The following DMD variants were observed in gnomAD, a reference collection of about 807,000 sequenced individuals.
DMD encodes the protein mutant dystrophin.
Under a neutral mutation model 330.1 loss-of-function variants are expected in DMD, and 63 were observed. The observed-to-expected ratio is 0.19, with a 90% CI of 0.16 to 0.24. DMD has a LOEUF of 0.24. DMD is among the 10% of genes least tolerant of loss of function. DMD has a pLI of 1.00. For missense variants in DMD, 3,344 were observed against 2,684.1 expected, an observed-to-expected ratio of 1.25 and a Z score of -5.43; for synonymous variants, 1,223 against 959.8, an observed-to-expected ratio of 1.27 and a Z score of -5.07.
intron 44 of DMD, among the ~76,000 whole-genome samples, chrX:31,990,279 C>G (rs1022277211): frequency 2.7e-5 from 3 of 111,515 alleles, no homozygotes; most frequent in Non-Finnish European, 5.7e-5. Context: ...TTAAAAGGTT[C>G]TTTTCCTAGA....
At chrX:31,600,510 G>GTTTTTTTT (rs1177947507) in intron 55 of DMD, among the ~76,000 whole-genome samples, 4 of 50,470 alleles carry the variant, frequency 7.9e-5, no homozygotes, top group Admixed American at 2.6e-4. Context: ...GCCAACTATG[G>GTTTTTTTT]TTTTTTTTTT....
intron 2 of DMD, among the ~76,000 whole-genome samples, chrX:32,975,696 G>A (rs1399338924): frequency 9.1e-6 from 1 of 110,331 alleles, no homozygotes; most frequent in African/African-American, 3.3e-5. Flanking sequence ...TCATCTTTCT[G>A]CTCTGAAATG....
intron 7 of DMD, among the ~76,000 whole-genome samples, chrX:32,782,337 A>G (rs1421225241): frequency 1.8e-5 from 2 of 112,019 alleles, no homozygotes; most frequent in Non-Finnish European, 3.8e-5. Context: ...GTATGCAGTA[A>G]CAGAGACACA....
At chrX:31,172,679 C>T (rs970249810) in intron 72 of DMD, among the ~76,000 whole-genome samples, 1 of 111,796 alleles carries the variant, frequency 8.9e-6, no homozygotes, top group African/African-American at 3.2e-5. Flanking sequence ...CTTGCTTTCA[C>T]TGAGAACAGG....
At chrX:33,006,646 C>T (rs964783751) in intron 2 of DMD, among the ~76,000 whole-genome samples, 2 of 111,628 alleles carry the variant, frequency 1.8e-5, no homozygotes, top group Non-Finnish European at 3.8e-5. Flanking sequence ...TGGTTGTACA[C>T]ACTCATACAA....
intron 6 of DMD, among the ~76,000 whole-genome samples, chrX:32,812,685 C>T (rs1246540993): frequency 1.8e-5 from 2 of 112,222 alleles, no homozygotes; most frequent in African/African-American, 3.2e-5. Flanking sequence ...TTAATTGCTT[C>T]TACTCTAGTT....
chrX:33,081,900 AG>A (rs200939066), intron 1 of DMD, among the ~76,000 whole-genome samples: 1,451 of 111,094 alleles, frequency 0.013, 29 homozygotes, highest in African/African-American at 0.045. Context: ...AACAGAGCAG[AG>A]TCTTTGATTT....
rs2083925559 is a variant in DMD at position 31,703,028 on chromosome X, G to GT, written c.7661-23443dup. On this transcript the variant is annotated intron_variant, in intron 52 of 78. Transcript: ENST00000357033. ...CACCACCATGCCCAGCTATTTTTTT[G>GT]TATTTTTAGTAGAGATGGGGTTTCA... 2.7e-5 allele frequency among the ~76,000 whole-genome samples: 3 copies of GT among 109,450 alleles called. No individual in the cohort carries two copies. The South Asian group carries it at 1.2e-3, about 44-fold the overall frequency.
At chrX:31,944,220 C>T (rs1741476418) in intron 45 of DMD, among the ~76,000 whole-genome samples, 1 of 101,921 alleles carries the variant, frequency 9.8e-6, no homozygotes, top group Non-Finnish European at 1.9e-5. Flanking sequence ...ACTTTTTCCT[C>T]TCTCATTCTA....
Position 33,091,075 on chromosome X carries a change from C to T in DMD, c.32-70875G>A, listed in dbSNP as rs377009945. Among the ~76,000 whole-genome samples the T allele has an allele frequency of 1.2e-4, 13 of 111,099 alleles. No homozygotes were observed. In the East Asian group the frequency reaches 3.4e-3, roughly 29 times the overall value. Reference sequence around the variant, plus strand: ...AAGAAAACATAACTTTTTCCCAACTCTCAGTCCAGGACTGAGAAATCTCAA... The same window carrying T: ...AAGAAAACATAACTTTTTCCCAACTTTCAGTCCAGGACTGAGAAATCTCAA... On this transcript the variant is annotated intron_variant, in intron 1 of 78. Coordinates refer to ENST00000357033, the MANE Select transcript of DMD (RefSeq NM_004006.3).
chrX:31,749,268 T>A (rs1377633837), intron 51 of DMD, among the ~76,000 whole-genome samples: 2 of 102,252 alleles, frequency 2.0e-5, no homozygotes, highest in African/African-American at 7.2e-5. Flanking sequence ...GCATTAGGTA[T>A]ATCTCCCAAT....
chrX:32,487,924 A>G (rs1274413325), intron 20 of DMD, among the ~76,000 whole-genome samples: 2 of 111,939 alleles, frequency 1.8e-5, no homozygotes, highest in African/African-American at 6.5e-5. Flanking sequence ...AGAAATATAT[A>G]CAAATAATTT....
At chrX:31,519,043 A>C (rs755567832) in intron 55 of DMD, among the ~76,000 whole-genome samples, 4 of 111,686 alleles carry the variant, frequency 3.6e-5, no homozygotes, top group Non-Finnish European at 7.5e-5. Context: ...CAACTGAATA[A>C]TTTTCCAATT....
chrX:32,096,974 A>G (rs1330242877), intron 44 of DMD, among the ~76,000 whole-genome samples: 1 of 112,102 alleles, frequency 8.9e-6, no homozygotes, highest in African/African-American at 3.2e-5. Flanking sequence ...AATGGCTTCA[A>G]TAGCAAAGAA....
chrX:31,220,277 T>C (rs2045868510), intron 64 of DMD, among the ~76,000 whole-genome samples: 1 of 111,614 alleles, frequency 9.0e-6, no homozygotes, highest in African/African-American at 3.3e-5. Context: ...CTCCCCTTCA[T>C]AAGTAAATTT....
chrX:32,950,835 CA>C (rs1158942170), intron 2 of DMD, among the ~76,000 whole-genome samples: 1 of 111,794 alleles, frequency 8.9e-6, no homozygotes, highest in African/African-American at 3.3e-5. Context: ...CTTATTCATT[CA>C]TTCAGTAATC....
At chrX:31,276,092 T>C (rs2052089550) in intron 62 of DMD, among the ~76,000 whole-genome samples, 1 of 112,367 alleles carries the variant, frequency 8.9e-6, no homozygotes, top group Non-Finnish European at 1.9e-5. Context: ...AGTCTCACTC[T>C]GTCACCCAGG....
At chrX:32,252,687 T>TATATATATAA (rs1182695139) in intron 43 of DMD, among the ~76,000 whole-genome samples, 3 of 35,520 alleles carry the variant, frequency 8.4e-5, no homozygotes, top group Non-Finnish European at 1.4e-4. Flanking sequence ...AATATATAAA[T>TATATATATAA]ATATATATAA....
intron 47 of DMD, among the ~76,000 whole-genome samples, chrX:31,876,554 T>C (rs968528041): frequency 9.0e-6 from 1 of 110,534 alleles, no homozygotes; most frequent in Non-Finnish European, 1.9e-5. Context: ...TACATGTAAA[T>C]AAAGAGCCAG....
Sources: gnomAD v4.1 joint callset for allele counts (sites outside exome capture counted in the v4.1 genomes callset) on GRCh38, gnomAD v4.1.1 for gene constraint, MANE v1.5 for transcripts, NCBI Gene and HGNC (gene_info 2026-07-23, HGNC 2026-07-21) for gene names.